KCNQ1OT1: variants seen among roughly 807,000 people sequenced by gnomAD.
KCNQ1OT1 encodes the protein KCNQ1 antisense RNA 2 (non-protein coding).
exon 1 of KCNQ1OT1, chr11:2,643,451 T>C (rs1170868915): frequency 2.5e-6 from 1 of 398,354 alleles, no homozygotes; most frequent in Non-Finnish European, 4.4e-6. Context: ...ACCTTTGTTT[T>C]ATCTGATGAA....
Position 2,678,689 on chromosome 11 carries a change from A to C in KCNQ1OT1, n.21306T>G. On this transcript the variant is annotated non_coding_transcript_exon_variant, in exon 1 of 1. Transcript: ENST00000597346. This position sits in a 1 kb window ranked among gnomAD's most constrained non-coding sequence, Gnocchi z 4.9. ...CCAGGGGAATTCATGGCATGGCCTA[A>C]GATCTAAACACTCTTAAGATTTAAA... The C allele has an allele frequency of 2.5e-6, 1 of 398,648 alleles. No individual in the cohort carries two copies. Among genetic ancestry groups the C allele is most frequent in the Admixed American group, 4.4e-5 (1 of 22,742 alleles). 24.7% of individuals were successfully genotyped at this position (398,648 alleles called of 1,614,324 possible). A position where few individuals can be genotyped will look rare whatever the true frequency, so the allele number is the denominator to read the frequency against.
At position 2,673,879 on chromosome 11, in the gene KCNQ1OT1, G is replaced by A; in HGVS notation, n.26116C>T. On this transcript the variant is annotated non_coding_transcript_exon_variant, in exon 1 of 1. Coordinates refer to ENST00000597346, the Ensembl canonical transcript of KCNQ1OT1. The surrounding 1 kb of genome is among the most constrained non-coding windows in gnomAD (Gnocchi z 4.5). Reference sequence around the variant, plus strand: ...TATGAAGAGGGACTTCCTGAAAGCAGGCACAGGAAGGGATGGGAGCTCAGC... The same window carrying A: ...TATGAAGAGGGACTTCCTGAAAGCAAGCACAGGAAGGGATGGGAGCTCAGC... The A allele has an allele frequency of 5.0e-6, 2 of 398,646 alleles. No homozygotes were observed. The highest frequency in any genetic ancestry group is 4.4e-6 in the Non-Finnish European group (1 of 226,156). 24.7% of individuals were successfully genotyped at this position (398,646 alleles called of 1,614,324 possible).
At chr11:2,666,776 C>T (rs183349367) in exon 1 of KCNQ1OT1, 35 of 398,754 alleles carry the variant, frequency 8.8e-5, no homozygotes, top group Non-Finnish European at 1.2e-4. Flanking sequence ...CTAAGCTCCT[C>T]ACCATATTTC....
chr11:2,628,824 T>C, exon 1 of KCNQ1OT1: 1 of 398,400 alleles, frequency 2.5e-6, no homozygotes. Flanking sequence ...ATTTAATTTT[T>C]TTGCATGTGG....
chr11:2,649,474 G>C, exon 1 of KCNQ1OT1: 1 of 398,478 alleles, frequency 2.5e-6, no homozygotes, highest in Non-Finnish European at 4.4e-6. Flanking sequence ...TGATTTAGTA[G>C]TAATGAATTC....
chr11:2,626,342 C>A lies in KCNQ1OT1; in HGVS notation n.73653G>T. The stretch of plus-strand genomic sequence containing the variant: ...TGGTATTAGGTAAGGGTCTCAACTT[C>A]AGTTATCCTGGCACCATTTGTTGAA... On this transcript the variant is annotated non_coding_transcript_exon_variant, in exon 1 of 1. Coordinates refer to ENST00000597346, the Ensembl canonical transcript of KCNQ1OT1. This position sits in a 1 kb window ranked among gnomAD's most constrained non-coding sequence, Gnocchi z 4.0. The A allele has an allele frequency of 2.5e-6, 1 of 398,592 alleles. No homozygotes were observed. Among genetic ancestry groups the A allele is most frequent in the South Asian group, 1.3e-4 (1 of 7,848 alleles). The allele number at this position is 398,592 out of a possible 1,614,324, so 24.7% of individuals were successfully genotyped here. A position where few individuals can be genotyped will look rare whatever the true frequency, so the allele number is the denominator to read the frequency against.
exon 1 of KCNQ1OT1, chr11:2,694,392 T>A (rs1334817554): frequency 2.5e-6 from 1 of 398,520 alleles, no homozygotes; most frequent in Non-Finnish European, 4.4e-6. Context: ...TATGGGAGAA[T>A]TACTAATATC....
rs1590006900 is a variant in KCNQ1OT1 at position 2,651,896 on chromosome 11, G to T, written n.48099C>A. ...TTCAGGCTGAGGGGGTCATAGCCGA[G>T]GGTCCCTCTGGGGCCGCTTGCTCTC... is the stretch of plus-strand genomic sequence containing the variant. On this transcript the variant is annotated non_coding_transcript_exon_variant, in exon 1 of 1. Transcript: ENST00000597346. The surrounding 1 kb of genome is among the most constrained non-coding windows in gnomAD (Gnocchi z 6.1). 2.5e-6 allele frequency: 1 copy of T among 398,722 alleles called. No homozygotes were observed. Among genetic ancestry groups the T allele is most frequent in the East Asian group, 3.6e-5 (1 of 28,074 alleles). The allele number at this position is 398,722 out of a possible 1,614,324, so 24.7% of individuals were successfully genotyped here.
At chr11:2,666,645 A>T in exon 1 of KCNQ1OT1, 1 of 398,670 alleles carries the variant, frequency 2.5e-6, no homozygotes. Flanking sequence ...GGCTTCATGG[A>T]CCAAGGGGCT....
rs997207695 is a variant in KCNQ1OT1, at chr11:2,696,184, C to T, written n.3811G>A. 3.5e-5 allele frequency: 14 copies of T among 398,622 alleles called. No homozygotes were observed. In the Middle Eastern group the frequency reaches 1.9e-3, roughly 54 times the overall value. The allele number at this position is 398,622 out of a possible 1,614,324, so 24.7% of individuals were successfully genotyped here. On this transcript the variant is annotated non_coding_transcript_exon_variant, in exon 1 of 1. Transcript: ENST00000597346. ...TTCTGGATCCTGTTTAAGAACCCCA[C>T]GGCCACCCTGGCCCTGGAGATTATT...
chr11:2,674,076 G>A lies in KCNQ1OT1; in HGVS notation n.25919C>T, dbSNP rs1194224261. 1.3e-5 allele frequency: 5 copies of A among 398,580 alleles called. No individual in the cohort carries two copies. The highest frequency in any genetic ancestry group is 2.2e-5 in the Non-Finnish European group (5 of 226,150). The allele number at this position is 398,580 out of a possible 1,614,324, so 24.7% of individuals were successfully genotyped here. A position where few individuals can be genotyped will look rare whatever the true frequency, so the allele number is the denominator to read the frequency against. On this transcript the variant is annotated non_coding_transcript_exon_variant, in exon 1 of 1. Coordinates refer to ENST00000597346, the Ensembl canonical transcript of KCNQ1OT1. The surrounding 1 kb of genome is among the most constrained non-coding windows in gnomAD (Gnocchi z 5.9). ...CTTGCTGGCTGCCCCATGGGGGCTT[G>A]GGCTAGGTCTCCCTGCCGGTGGGGA...
At chr11:2,633,249 G>A (rs1589993571) in exon 1 of KCNQ1OT1, 1 of 398,430 alleles carries the variant, frequency 2.5e-6, no homozygotes, top group Non-Finnish European at 4.4e-6. Context: ...GTTTTTTGCT[G>A]TTGAATTGTT....
Position 2,613,518 on chromosome 11 carries a change from T to C in KCNQ1OT1, n.86477A>G, listed in dbSNP as rs998062456. On this transcript the variant is annotated non_coding_transcript_exon_variant, in exon 1 of 1. Transcript: ENST00000597346. This position sits in a 1 kb window ranked among gnomAD's most constrained non-coding sequence, Gnocchi z 4.8. Reference sequence around the variant, plus strand: ...GTGCCCCTGAGCTTGGGTGGGGAGATGGCAGCCCCACGTTAAATCATAACC... The same window carrying C: ...GTGCCCCTGAGCTTGGGTGGGGAGACGGCAGCCCCACGTTAAATCATAACC... 3.8e-5 allele frequency: 15 copies of C among 398,432 alleles called. No individual in the cohort carries two copies. The Admixed American group carries it at 5.7e-4, about 15-fold the overall frequency. 24.7% of individuals were successfully genotyped at this position (398,432 alleles called of 1,614,324 possible).
At position 2,676,775 on chromosome 11, in the gene KCNQ1OT1, T is replaced by A; in HGVS notation, n.23220A>T. ...GCTGTATGAAGCAACCCTAGGACAT[T>A]TGAAGAGAATGGAGTGATGGCCAGT... On this transcript the variant is annotated non_coding_transcript_exon_variant, in exon 1 of 1. Coordinates refer to ENST00000597346, the Ensembl canonical transcript of KCNQ1OT1. The surrounding 1 kb of genome is among the most constrained non-coding windows in gnomAD (Gnocchi z 4.2). 2.5e-6 allele frequency: 1 copy of A among 398,536 alleles called. No homozygotes were observed. Among genetic ancestry groups the A allele is most frequent in the Non-Finnish European group, 4.4e-6 (1 of 226,052 alleles). The allele number at this position is 398,536 out of a possible 1,614,324, so 24.7% of individuals were successfully genotyped here. A position where few individuals can be genotyped will look rare whatever the true frequency, so the allele number is the denominator to read the frequency against.
Position 2,698,739 on chromosome 11 carries a change from G to C in KCNQ1OT1, n.1256C>G. The C allele has an allele frequency of 2.5e-6, 1 of 398,566 alleles. No individual in the cohort carries two copies. 24.7% of individuals were successfully genotyped at this position (398,566 alleles called of 1,614,324 possible). A position where few individuals can be genotyped will look rare whatever the true frequency, so the allele number is the denominator to read the frequency against. On this transcript the variant is annotated non_coding_transcript_exon_variant, in exon 1 of 1. Coordinates refer to ENST00000597346, the Ensembl canonical transcript of KCNQ1OT1. This position sits in a 1 kb window ranked among gnomAD's most constrained non-coding sequence, Gnocchi z 5.1. ...CAGTCGCCAACTCGGACCTCCCTTG[G>C]ATCTCAACTCAGAGCCATGATGCAG...
chr11:2,657,911 T>C lies in KCNQ1OT1; in HGVS notation n.42084A>G, dbSNP rs915473105. 1.8e-5 allele frequency: 7 copies of C among 398,516 alleles called. No homozygotes were observed. Among genetic ancestry groups the C allele is most frequent in the African/African-American group, 1.2e-4 (6 of 48,644 alleles). The allele number at this position is 398,516 out of a possible 1,614,324, so 24.7% of individuals were successfully genotyped here. ...GAGATGCTTTCCTCATTGTGGAACA[T>C]GACATCAACATGGTTTATCACTGGT... On this transcript the variant is annotated non_coding_transcript_exon_variant, in exon 1 of 1. Transcript: ENST00000597346. This position sits in a 1 kb window ranked among gnomAD's most constrained non-coding sequence, Gnocchi z 4.8.
Position 2,627,668 on chromosome 11 carries a change from GTA to G in KCNQ1OT1, n.72325_72326del, listed in dbSNP as rs1239228433. The G allele has an allele frequency of 2.5e-6, 1 of 398,486 alleles. No homozygotes were observed. Among genetic ancestry groups the G allele is most frequent in the East Asian group, 3.6e-5 (1 of 28,074 alleles). The allele number at this position is 398,486 out of a possible 1,614,324, so 24.7% of individuals were successfully genotyped here. On this transcript the variant is annotated non_coding_transcript_exon_variant, in exon 1 of 1. Transcript: ENST00000597346. The surrounding 1 kb of genome is among the most constrained non-coding windows in gnomAD (Gnocchi z 4.9). ...AGGATGAATATTTCATTGTGTGTGT[GTA>G]TATATGTGTGTGTGTGTGTCTGTAT...
rs185799874 is a variant in KCNQ1OT1, at chr11:2,673,603, C to G, written n.26392G>C. ...TTACTTGGGCTAAAGAGAAGCTAAA[C>G]GTGACCAGCCTACCCACCTTGCTAC... On this transcript the variant is annotated non_coding_transcript_exon_variant, in exon 1 of 1. Coordinates refer to ENST00000597346, the Ensembl canonical transcript of KCNQ1OT1. This position sits in a 1 kb window ranked among gnomAD's most constrained non-coding sequence, Gnocchi z 4.5. 7.5e-6 allele frequency: 3 copies of G among 398,658 alleles called. No homozygotes were observed. Among genetic ancestry groups the G allele is most frequent in the South Asian group, 1.3e-4 (1 of 7,868 alleles). 24.7% of individuals were successfully genotyped at this position (398,658 alleles called of 1,614,324 possible). A position where few individuals can be genotyped will look rare whatever the true frequency, so the allele number is the denominator to read the frequency against.
rs1849164432 is a variant in KCNQ1OT1, at chr11:2,621,103, GAGTA to G, written n.78888_78891del. ...AGCAATTCTCCTGTCTCAGACTCCT[GAGTA>G]GCTGGGATTACAGGTGACCGCCACC... is the stretch of plus-strand genomic sequence containing the variant. On this transcript the variant is annotated non_coding_transcript_exon_variant, in exon 1 of 1. Transcript: ENST00000597346. This position sits in a 1 kb window ranked among gnomAD's most constrained non-coding sequence, Gnocchi z 5.7. 2.5e-6 allele frequency: 1 copy of G among 396,778 alleles called. No homozygotes were observed. Among genetic ancestry groups the G allele is most frequent in the African/African-American group, 2.1e-5 (1 of 48,512 alleles). The allele number at this position is 396,778 out of a possible 1,614,324, so 24.6% of individuals were successfully genotyped here.
Sources: allele counts gnomAD v4.1 joint callset, GRCh38; gene constraint gnomAD v4.1.1; non-coding constraint Gnocchi (gnomAD v3.1); transcripts MANE v1.5; gene names NCBI Gene and HGNC (gene_info 2026-07-23, HGNC 2026-07-21).